Variants in GYPB observed in about 807,000 individuals in gnomAD.
GYPB encodes glycophorin B (MNS blood group).
Under a neutral mutation model 15.3 loss-of-function variants are expected in GYPB, and 13 were observed. The ratio of observed to expected loss-of-function variants is 0.85; its 90% CI spans 0.55 to 1.35. GYPB has a LOEUF of 1.35. GYPB is among the 40% of genes most tolerant of loss of function. The pLI, the probability that GYPB is intolerant of heterozygous loss-of-function variation, is 0.00. For missense variants in GYPB, 131 were observed against 108.3 expected, an observed-to-expected ratio of 1.21 and a Z score of -0.93; for synonymous variants, 38 against 36.9, an observed-to-expected ratio of 1.03 and a Z score of -0.11.
rs1335084299 is a variant in GYPB, at chr4:144,005,414, C to T, written c.38-4131G>A. The stretch of plus-strand genomic sequence containing the variant: ...ACATACAAAAAAGGACAACTAAATT[C>T]CTGAGCTCCCTGGACATCCTAAAAG... On this transcript the variant is annotated intron_variant, in intron 1 of 4. Coordinates refer to ENST00000502664, the MANE Select transcript of GYPB (RefSeq NM_002100.6). 9.2e-5 allele frequency among the ~76,000 whole-genome samples: 14 copies of T among 152,068 alleles called. No homozygotes were observed. The East Asian group carries it at 2.3e-3, about 25-fold the overall frequency.
chr4:143,996,603 AT>A (rs1727324428), intron 4 of GYPB, among the ~76,000 whole-genome samples: 1 of 150,664 alleles, frequency 6.6e-6, no homozygotes, highest in Admixed American at 6.6e-5. Flanking sequence ...CATCTCTGCT[AT>A]TAAAAAAATA....
chr4:144,013,773 GTT>G (rs1728343715), intron 1 of GYPB, among the ~76,000 whole-genome samples: 1 of 110,136 alleles, frequency 9.1e-6, no homozygotes, highest in African/African-American at 3.5e-5. Flanking sequence ...CTGCTGTGGG[GTT>G]GGGGGGGAGG....
chr4:144,001,384 C>G, intron 1 of GYPB, 101 bp from the exon 2 acceptor site: 1 of 1,595,004 alleles, frequency 6.3e-7, no homozygotes, highest in Non-Finnish European at 8.6e-7. Flanking sequence ...CCCTCCAGTC[C>G]CTGAGCTAAG....
At chr4:144,017,091 C>T (rs1469966968) in intron 1 of GYPB, among the ~76,000 whole-genome samples, 2 of 150,824 alleles carry the variant, frequency 1.3e-5, no homozygotes, top group Admixed American at 6.6e-5. Flanking sequence ...CTGCTCCCAC[C>T]CTCCGTGTAT....
chr4:144,015,897 G>T (rs1728464932), intron 1 of GYPB, among the ~76,000 whole-genome samples: 1 of 151,052 alleles, frequency 6.6e-6, no homozygotes. Context: ...GCCCACAGGT[G>T]TTAAATGATT....
chr4:144,002,963 G>C (rs1727705189), intron 1 of GYPB, among the ~76,000 whole-genome samples: 2 of 151,256 alleles, frequency 1.3e-5, no homozygotes, highest in South Asian at 2.1e-4. Flanking sequence ...TCTCCAAATA[G>C]CATGCAAAAC....
At chr4:144,016,095 T>C (rs1285389943) in intron 1 of GYPB, among the ~76,000 whole-genome samples, 1 of 132,116 alleles carries the variant, frequency 7.6e-6, no homozygotes, top group Non-Finnish European at 1.5e-5. Flanking sequence ...CTCTTTCCTG[T>C]ACCAATTAAA....
chr4:144,016,804 C>G (rs1357266893), intron 1 of GYPB: 22 of 450,228 alleles, frequency 4.9e-5, no homozygotes, highest in Admixed American at 1.9e-4. Flanking sequence ...TAACTTACCT[C>G]CTGTTTCAGA....
chr4:144,006,609 A>C (rs1727926328), intron 1 of GYPB, among the ~76,000 whole-genome samples: 4 of 152,014 alleles, frequency 2.6e-5, no homozygotes, highest in Non-Finnish European at 4.4e-5. Flanking sequence ...AGCTCTCATC[A>C]AGATGTGATA....
chr4:144,012,978 G>T (rs558988058), intron 1 of GYPB, among the ~76,000 whole-genome samples: 5 of 151,662 alleles, frequency 3.3e-5, no homozygotes, highest in African/African-American at 1.2e-4. Context: ...AAACATTTGT[G>T]CATCAAAGGA....
intron 2 of GYPB, chr4:144,000,329 A>G: frequency 5.5e-6 from 2 of 361,592 alleles, no homozygotes; most frequent in Non-Finnish European, 9.0e-6. Flanking sequence ...TCGTGTAAAT[A>G]GAGTTCAATC....
chr4:144,000,700 C>A (rs1727578985), intron 2 of GYPB, among the ~76,000 whole-genome samples: 1 of 151,112 alleles, frequency 6.6e-6, no homozygotes, highest in African/African-American at 2.5e-5. Context: ...AGGCTCTGAG[C>A]TAATAACTTT....
chr4:144,014,782 A>G (rs1227313622), intron 1 of GYPB, among the ~76,000 whole-genome samples: 2 of 151,546 alleles, frequency 1.3e-5, no homozygotes, highest in South Asian at 2.1e-4. Flanking sequence ...AATTTATATT[A>G]CGTGTATTTT....
At chr4:143,998,939 C>A (rs1013677136) in intron 3 of GYPB, among the ~76,000 whole-genome samples, 15 of 149,514 alleles carry the variant, frequency 1.0e-4, no homozygotes, top group South Asian at 2.1e-4. Context: ...AGGGTCTTAC[C>A]AAGGCTAGAG....
chr4:143,999,606 G>A (rs1013967110), intron 2 of GYPB, among the ~76,000 whole-genome samples, 157 bp from the exon 3 acceptor site: 2 of 151,420 alleles, frequency 1.3e-5, no homozygotes, highest in African/African-American at 4.9e-5. Flanking sequence ...CATTTATGAG[G>A]TAATGTGTCA....
rs575826511 is a variant in GYPB, at chr4:144,010,881, A to C, written c.37+8370T>G. ...AAAGTTAGCTAATGGGACAATTACA[A>C]GTAGGCTGTATACTTTAGAAACACA... is the stretch of plus-strand genomic sequence containing the variant. On this transcript the variant is annotated intron_variant, in intron 1 of 4. Transcript: ENST00000502664. Among the ~76,000 whole-genome samples the C allele has an allele frequency of 1.3e-5, 2 of 151,622 alleles. 1 individual carries two copies. The highest frequency in any genetic ancestry group is 4.9e-5 in the African/African-American group (2 of 40,884).
At position 144,001,252 on chromosome 4, in the gene GYPB, A is replaced by T; in HGVS notation, c.69T>A (p.Thr23=). The change falls in exon 2 of 5, where the codon ACT becomes ACA. Residue 23 remains threonine (T), a synonymous_variant. Transcript: ENST00000502664. ...AGGTTGAAGTGTGCATTGCCACCTC[A>T]GTGGTACTTAATGCTGATATGCTCA... ...EIVSISALST[T]EVAMHTSTSS... 6.2e-7 allele frequency: 1 copy of T among 1,612,994 alleles called. No homozygotes were observed. Among genetic ancestry groups the T allele is most frequent in the Non-Finnish European group, 8.5e-7 (1 of 1,179,828 alleles).
At chr4:144,017,042 G>T (rs1293702320) in intron 1 of GYPB, among the ~76,000 whole-genome samples, 7 of 150,508 alleles carry the variant, frequency 4.7e-5, no homozygotes, top group African/African-American at 1.7e-4. Context: ...TAAGATAGTT[G>T]TTGTTCCATT....
intron 3 of GYPB, among the ~76,000 whole-genome samples, chr4:143,998,692 T>C (rs1421670852): frequency 1.4e-5 from 2 of 139,206 alleles, no homozygotes; most frequent in Non-Finnish European, 1.5e-5. Context: ...AAGGCTGAGA[T>C]TTACCCTTGA....
Sources: allele counts gnomAD v4.1 joint callset (sites outside exome capture counted in the v4.1 genomes callset), GRCh38; gene constraint gnomAD v4.1.1; transcripts MANE v1.5; gene names NCBI Gene and HGNC (gene_info 2026-07-23, HGNC 2026-07-21).